CASQ2: variants seen among roughly 807,000 people sequenced by gnomAD.
CASQ2 encodes the protein calsequestrin-2.
Under a neutral mutation model 46.5 loss-of-function variants are expected in CASQ2, and 49 were observed. The observed-to-expected ratio is 1.05, with a 90% confidence interval of 0.84 to 1.34. The LOEUF (loss-of-function observed/expected upper bound fraction) is 1.34. Ranked by LOEUF, CASQ2 falls within the 40% of genes most tolerant of loss-of-function variation. The probability of loss-of-function intolerance (pLI) is 0.00; values close to 1 mark genes in which losing one functional copy is unlikely to be tolerated. For synonymous variants in CASQ2, 174 were observed against 168.5 expected, an observed-to-expected ratio of 1.03 and a Z score of -0.25; for missense variants, 486 against 481.3, an observed-to-expected ratio of 1.01 and a Z score of -0.09.
chr1:115,740,788 A>G lies in CASQ2; in HGVS notation c.360T>C (p.Asp120=). ...EEGSLYILKG[D]RTIEFDGEFA... ...ACTCGCCATCAAACTCTATTGTGCGATCACCCTTAAGAATATACAGGCTTC... is the reference window on the plus strand; with the variant it reads ...ACTCGCCATCAAACTCTATTGTGCGGTCACCCTTAAGAATATACAGGCTTC... Residue 120 remains aspartate (D), a synonymous_variant, in exon 3 of 11, where the codon GAT becomes GAC. Coordinates refer to ENST00000261448, the MANE Select transcript of CASQ2 (RefSeq NM_001232.4). 1.2e-6 allele frequency: 2 copies of G among 1,613,706 alleles called. No homozygotes were observed. Among genetic ancestry groups the G allele is most frequent in the Non-Finnish European group, 1.7e-6 (2 of 1,179,722 alleles).
chr1:115,722,000 G>A (rs973351863), intron 7 of CASQ2, among the ~76,000 whole-genome samples: 3 of 152,196 alleles, frequency 2.0e-5, no homozygotes, highest in African/African-American at 7.2e-5. Flanking sequence ...CCAGGTAGAG[G>A]AGGGGGTATG....
At position 115,725,557 on chromosome 1, in the gene CASQ2, G is replaced by GAAAAAA. The variant is rs56889721; in HGVS notation, c.738-10_738-5dup. On this transcript the variant is annotated splice_region_variant and splice_polypyrimidine_tract_variant and intron_variant, in intron 6 of 10. Coordinates refer to ENST00000261448, the MANE Select transcript of CASQ2 (RefSeq NM_001232.4). Reference sequence around the variant, plus strand: ...GCGCAGGCGACGTAGAGTGGGTCTGGAAAAAAAAAAAAAAAAAAAAAAAGA... The same window carrying GAAAAAA: ...GCGCAGGCGACGTAGAGTGGGTCTGGAAAAAAAAAAAAAAAAAAAAAAAAAAAAAGA... The GAAAAAA allele has an allele frequency of 1.5e-4, 207 of 1,402,418 alleles. 4 individuals carry two copies. The Middle Eastern group carries it at 1.5e-3, about 10-fold the overall frequency. The allele number at this position is 1,402,418 out of a possible 1,614,324, so 86.9% of individuals were successfully genotyped here.
At chr1:115,713,429 G>A (rs887445761) in intron 8 of CASQ2, among the ~76,000 whole-genome samples, 4 of 152,196 alleles carry the variant, frequency 2.6e-5, no homozygotes, top group Non-Finnish European at 5.9e-5. Flanking sequence ...GATTAGGCTC[G>A]AGGGCCAGGA....
intron 2 of CASQ2, among the ~76,000 whole-genome samples, chr1:115,742,052 T>C (rs1466441644): frequency 6.6e-6 from 1 of 151,892 alleles, no homozygotes; most frequent in South Asian, 2.1e-4. Flanking sequence ...ATTCTTTTTG[T>C]TTGTTTGTTT....
At chr1:115,738,625 T>A (rs373304259) in intron 3 of CASQ2, among the ~76,000 whole-genome samples, 1 of 152,244 alleles carries the variant, frequency 6.6e-6, no homozygotes, top group Non-Finnish European at 1.5e-5. Flanking sequence ...ATGTATTTAT[T>A]GGATGTAAAG....
rs1649206559 is a variant in CASQ2, at chr1:115,768,520, T to C, written c.22A>G (p.Ile8Val). The C allele has an allele frequency of 1.2e-6, 2 of 1,612,628 alleles. No homozygotes were observed. The highest frequency in any genetic ancestry group is 1.3e-5 in the African/African-American group (1 of 75,018). MKRTHLF[I>V]VGIYFLSSCR... Reference sequence around the variant, plus strand: ...GAGGACAGAAAATAAATCCCCACAATAAACAAGTGAGTTCTCTTCATTTGG... The same window carrying C: ...GAGGACAGAAAATAAATCCCCACAACAAACAAGTGAGTTCTCTTCATTTGG... The change falls in exon 1 of 11, where the codon ATT becomes GTT. Residue 8 changes from isoleucine to valine, a missense_variant. Physicochemically the swap from Ile to Val is conservative, Grantham distance 29 (BLOSUM62 3). Coordinates refer to ENST00000261448, the MANE Select transcript of CASQ2 (RefSeq NM_001232.4).
intron 5 of CASQ2, among the ~76,000 whole-genome samples, chr1:115,730,014 G>T (rs1401137182): frequency 6.6e-6 from 1 of 152,180 alleles, no homozygotes; most frequent in African/African-American, 2.4e-5. Flanking sequence ...TTGGCCCTCT[G>T]ACACTTTCTT....
chr1:115,766,724 C>T lies in CASQ2; in HGVS notation c.234+1584G>A, dbSNP rs71666764. The stretch of plus-strand genomic sequence containing the variant: ...ACTCCTGTGGTGAACTTTTCCTTAT[C>T]GGTCTCTGCTGGGCCGGCACCCACT... On this transcript the variant is annotated intron_variant, in intron 1 of 10. Coordinates refer to ENST00000261448, the MANE Select transcript of CASQ2 (RefSeq NM_001232.4). Among the ~76,000 whole-genome samples, 10 of 152,036 alleles carry T rather than the reference C, an allele frequency of 6.6e-5. No homozygotes were observed. The East Asian group carries it at 9.7e-4, about 15-fold the overall frequency.
At chr1:115,758,247 G>C (rs1326507758) in intron 1 of CASQ2, among the ~76,000 whole-genome samples, 1 of 152,150 alleles carries the variant, frequency 6.6e-6, no homozygotes, top group African/African-American at 2.4e-5. Context: ...TTAACTCTCT[G>C]GCTAATTTCT....
intron 1 of CASQ2, among the ~76,000 whole-genome samples, chr1:115,766,862 A>AAAT (rs1557809042): frequency 1.4e-5 from 2 of 142,298 alleles, no homozygotes; most frequent in African/African-American, 5.3e-5. Context: ...GGGGAGCTAG[A>AAAT]GATGATAGAT....
intron 1 of CASQ2, among the ~76,000 whole-genome samples, chr1:115,755,165 C>T (rs1185065345): frequency 4.6e-5 from 7 of 152,196 alleles, no homozygotes; most frequent in Non-Finnish European, 8.8e-5. Flanking sequence ...CCCTGAAGGC[C>T]AGGTTTGTTT....
rs548536938 is a variant in CASQ2, at chr1:115,705,238, T to C, written c.893A>G (p.Asn298Ser). ...LKQVARDNTDNPDLSILWIDP... is the reference protein window; with the variant it reads ...LKQVARDNTDSPDLSILWIDP... ...GATCCACAGGATGCTCAGATCGGGG[T>C]TGTCAGTATTGTCCCGGGCAACCTG... Residue 298 changes from asparagine to serine, a missense_variant, in exon 9 of 11, where the codon AAC becomes AGC. Asn to Ser is a conservative substitution (Grantham distance 46, BLOSUM62 1). Coordinates refer to ENST00000261448, the MANE Select transcript of CASQ2 (RefSeq NM_001232.4). 1.6e-5 allele frequency: 26 copies of C among 1,614,030 alleles called. No individual in the cohort carries two copies. In the East Asian group the frequency reaches 3.1e-4, roughly 19 times the overall value.
intron 8 of CASQ2, among the ~76,000 whole-genome samples, chr1:115,710,549 G>A (rs1374449770): frequency 2.0e-5 from 3 of 152,172 alleles, no homozygotes; most frequent in African/African-American, 7.2e-5. Context: ...AGCAGGGGCT[G>A]GGACACTGAG....
intron 4 of CASQ2, among the ~76,000 whole-genome samples, chr1:115,737,676 A>C (rs570445010): frequency 1.6e-4 from 25 of 152,336 alleles, no homozygotes; most frequent in Middle Eastern, 6.8e-3. Flanking sequence ...GTGTCCACCC[A>C]AAACCTGGTC....
chr1:115,768,434 A>T lies in CASQ2; in HGVS notation c.108T>A (p.Ser36Arg). ...PTYDGKDRVV[S>R]LSEKNFKQVL... is the part of the protein sequence containing the mutation. ...CCTGCTTGAAGTTCTTCTCGGAAAG[A>T]CTTACCACTCGGTCCTTCCCATCAT... Residue 36 changes from serine (S) to arginine (R), a missense_variant, in exon 1 of 11, where the codon AGT (serine) becomes AGA (arginine). Physicochemically the swap from Ser to Arg is moderately radical, Grantham distance 110. Coordinates refer to ENST00000261448, the MANE Select transcript of CASQ2 (RefSeq NM_001232.4). The T allele has an allele frequency of 1.2e-6, 2 of 1,613,810 alleles. No homozygotes were observed. The highest frequency in any genetic ancestry group is 1.7e-4 in the Middle Eastern group (1 of 6,060).
rs533103138 is a variant in CASQ2, at chr1:115,743,582, A to T, written c.319+1246T>A. 1.5e-3 allele frequency among the ~76,000 whole-genome samples: 234 copies of T among 152,102 alleles called. 2 individuals carry two copies. The highest frequency in any genetic ancestry group is 2.5e-3 in the Non-Finnish European group (168 of 67,990). On this transcript the variant is annotated intron_variant, in intron 2 of 10. Transcript: ENST00000261448. The stretch of plus-strand genomic sequence containing the variant: ...TTCCTATAATTTAAATCTTTTTTTT[A>T]AAAAAAGACTGGTCTTCTTGAAAAT...
At chr1:115,702,026 G>A (rs778561026) in intron 10 of CASQ2, among the ~76,000 whole-genome samples, 40 of 151,872 alleles carry the variant, frequency 2.6e-4, no homozygotes, top group Admixed American at 1.6e-3. Flanking sequence ...GGGTTCAAGC[G>A]ATTCTCTTGC....
intron 1 of CASQ2, among the ~76,000 whole-genome samples, chr1:115,767,211 T>C (rs972154901): frequency 2.0e-5 from 3 of 152,232 alleles, no homozygotes; most frequent in African/African-American, 7.2e-5. Context: ...CTCATTTCTA[T>C]AAAATAAAGT....
rs267597944 is a variant in CASQ2 at position 115,701,390 on chromosome 1, C to G, written c.1051G>C (p.Asp351His). The change falls in exon 11 of 11, where the codon GAT becomes CAT. Residue 351 changes from aspartate (D) to histidine (H), a missense_variant. Coordinates refer to ENST00000261448, the MANE Select transcript of CASQ2 (RefSeq NM_001232.4). ...SVWMEIPDDD[D>H]LPTAEELEDW... Reference sequence around the variant, plus strand: ...TCCAGCTCCTCAGCAGTTGGAAGATCGTCATCATCTGGAATCTCCATCCAG... The same window carrying G: ...TCCAGCTCCTCAGCAGTTGGAAGATGGTCATCATCTGGAATCTCCATCCAG... 2 of 1,613,900 alleles carry G rather than the reference C, an allele frequency of 1.2e-6. No homozygotes were observed. Among genetic ancestry groups the G allele is most frequent in the Non-Finnish European group, 1.7e-6 (2 of 1,179,798 alleles).
Sources: allele counts gnomAD v4.1 joint callset (sites outside exome capture counted in the v4.1 genomes callset), GRCh38; gene constraint gnomAD v4.1.1; transcripts MANE v1.5; gene names NCBI Gene and HGNC (gene_info 2026-07-23, HGNC 2026-07-21).